Variants in STX8 observed in about 807,000 individuals in gnomAD.
The protein encoded by STX8 is syntaxin-8.
Under a neutral mutation model 37.5 loss-of-function variants are expected in STX8, and 23 were observed. The ratio of observed to expected loss-of-function variants is 0.61; its 90% confidence interval spans 0.44 to 0.87. The LOEUF (loss-of-function observed/expected upper bound fraction) is 0.87. Ranked by LOEUF, STX8 falls within the 40% of genes least tolerant of loss-of-function variation. The pLI is 0.00. For synonymous variants in STX8, 115 were observed against 99.1 expected (o/e 1.16, Z -0.95); for missense variants, 313 against 284.7 (o/e 1.10, Z -0.71).
At chr17:9,416,433 G>A (rs533725689) in intron 6 of STX8, among the ~76,000 whole-genome samples, 34 of 151,898 alleles carry the variant, frequency 2.2e-4, no homozygotes, top group African/African-American at 7.3e-4. Flanking sequence ...ACAGTAGCAC[G>A]ATCTCAGTTC....
chr17:9,557,159 A>G (rs1449740212), intron 3 of STX8: 1 of 315,672 alleles, frequency 3.2e-6, no homozygotes, highest in East Asian at 6.4e-5. Flanking sequence ...GGGGCTCCGT[A>G]AATACCGCAC....
At chr17:9,566,185 C>A (rs565594765) in intron 2 of STX8, among the ~76,000 whole-genome samples, 1 of 151,368 alleles carries the variant, frequency 6.6e-6, no homozygotes, top group Non-Finnish European at 1.5e-5. Context: ...GGCATGCTGC[C>A]AAAAAAAACA....
intron 3 of STX8, chr17:9,556,817 ATATT>A (rs1042168625): frequency 1.4e-5 from 2 of 143,264 alleles, no homozygotes; most frequent in Non-Finnish European, 3.0e-5. Context: ...ATATATATAT[ATATT>A]TTAACACTTG....
At chr17:9,467,308 T>C (rs927815031) in intron 6 of STX8, 1 of 152,284 alleles carries the variant, frequency 6.6e-6, no homozygotes, top group South Asian at 2.1e-4. Context: ...ATTTGCCAAA[T>C]CCTAGAGGCT....
At chr17:9,388,960 A>G (rs1326291277) in intron 6 of STX8, among the ~76,000 whole-genome samples, 1 of 152,216 alleles carries the variant, frequency 6.6e-6, no homozygotes, top group East Asian at 1.9e-4. Context: ...CCATAAAATA[A>G]CCATTCCTTA....
At chr17:9,463,735 C>A (rs748581274) in intron 6 of STX8, among the ~76,000 whole-genome samples, 22 of 152,140 alleles carry the variant, frequency 1.4e-4, no homozygotes, top group Non-Finnish European at 2.9e-4. Flanking sequence ...TGGAGAAACC[C>A]CATCTCTACT....
chr17:9,270,910 T>C (rs1435430458), intron 7 of STX8, among the ~76,000 whole-genome samples: 1 of 152,258 alleles, frequency 6.6e-6, no homozygotes, highest in Non-Finnish European at 1.5e-5. Context: ...TTTTACCAGA[T>C]GCTCATGGGT....
Position 9,355,981 on chromosome 17 carries a change from T to C in STX8, c.643+22571A>G, listed in dbSNP as rs567233731. 3.9e-5 allele frequency among the ~76,000 whole-genome samples: 6 copies of C among 152,214 alleles called. No individual in the cohort carries two copies. The South Asian group carries it at 1.2e-3, about 32-fold the overall frequency. Reference sequence around the variant, plus strand: ...TCTTCAACTTTGAAACTGCCAGGAGTGACCACTGATCCTTCCCATTCATTG... The same window carrying C: ...TCTTCAACTTTGAAACTGCCAGGAGCGACCACTGATCCTTCCCATTCATTG... On this transcript the variant is annotated intron_variant, in intron 7 of 7. Transcript: ENST00000306357.
chr17:9,300,695 T>C (rs1908739767), intron 7 of STX8, among the ~76,000 whole-genome samples: 1 of 152,156 alleles, frequency 6.6e-6, no homozygotes. Flanking sequence ...AATTTCCAAG[T>C]AGACAACTGG....
intron 7 of STX8, among the ~76,000 whole-genome samples, chr17:9,348,187 A>G (rs1249665177): frequency 6.6e-6 from 1 of 152,040 alleles, no homozygotes; most frequent in Non-Finnish European, 1.5e-5. Flanking sequence ...GCACTTTGGG[A>G]AGCCGAGGTG....
chr17:9,288,526 G>C (rs542429068), intron 7 of STX8, among the ~76,000 whole-genome samples: 1 of 152,140 alleles, frequency 6.6e-6, no homozygotes, highest in South Asian at 2.1e-4. Flanking sequence ...GCCGGGCGTG[G>C]TGGCAGGCGC....
chr17:9,436,235 CT>C (rs929968575), intron 6 of STX8, among the ~76,000 whole-genome samples: 3 of 150,822 alleles, frequency 2.0e-5, no homozygotes, highest in African/African-American at 7.3e-5. Flanking sequence ...GTCCCAGCTA[CT>C]TGGGGGGCTG....
In STX8 at chr17:9,295,062, A is replaced by G. The variant is rs78093585; in HGVS notation, c.644-44417T>C. ...AGAATAAACTTCTGTTGGCTAAGCA[A>G]CCCCGCCTGGTATTTTGTTATGGCA... On this transcript the variant is annotated intron_variant, in intron 7 of 7. Transcript: ENST00000306357. Among the ~76,000 whole-genome samples the G allele has an allele frequency of 2.5e-3, 387 of 152,254 alleles. 3 individuals carry two copies. Among genetic ancestry groups the G allele is most frequent in the Non-Finnish European group, 4.0e-3 (270 of 68,018 alleles).
chr17:9,540,983 C>T (rs933349416), intron 4 of STX8, among the ~76,000 whole-genome samples: 3 of 152,178 alleles, frequency 2.0e-5, no homozygotes, highest in African/African-American at 7.2e-5. Flanking sequence ...CTTTAGTCCA[C>T]CACATGGATC....
chr17:9,559,760 A>ATATATATATTT lies in STX8; in HGVS notation c.118-2233_118-2232insAAATATATATA. On this transcript the variant is annotated intron_variant, in intron 2 of 7. Transcript: ENST00000306357. The stretch of plus-strand genomic sequence containing the variant: ...TATATATATATATATATATATATAT[A>ATATATATATTT]TTTTTTTTTTTTTTTTTTTTGAGAC... Among the ~76,000 whole-genome samples, 111 of 24,506 alleles carry ATATATATATTT rather than the reference A, an allele frequency of 4.5e-3. 11 individuals carry two copies. Among genetic ancestry groups the ATATATATATTT allele is most frequent in the East Asian group, 0.029 (11 of 376 alleles). The allele number at this position is 24,506 out of a possible 152,430, so 16.1% of individuals were successfully genotyped here.
intron 7 of STX8, among the ~76,000 whole-genome samples, chr17:9,312,035 G>C (rs573109423): frequency 6.6e-6 from 1 of 151,816 alleles, no homozygotes; most frequent in South Asian, 2.1e-4. Context: ...TTTTAGTAGA[G>C]ACGGGGTTTC....
chr17:9,496,101 G>C (rs1904391376), intron 5 of STX8, among the ~76,000 whole-genome samples: 1 of 144,794 alleles, frequency 6.9e-6, no homozygotes, highest in South Asian at 2.2e-4. Flanking sequence ...TTGAGACAGA[G>C]TTTCGCTCTT....
rs1253425769 is a variant in STX8 at position 9,507,374 on chromosome 17, C to T, written c.324-2212G>A. Among the ~76,000 whole-genome samples the T allele has an allele frequency of 6.6e-6, 1 of 151,834 alleles. No homozygotes were observed. The highest frequency in any genetic ancestry group is 1.9e-4 in the East Asian group (1 of 5,152). On this transcript the variant is annotated intron_variant, in intron 4 of 7. Transcript: ENST00000306357. This position sits in a 1 kb window ranked among gnomAD's most constrained non-coding sequence, Gnocchi z 4.0. ...CAACTCCCCTAGGCCAGCCGAGCAG[C>T]CTTGTGTTCATATCCCGGGTCTGAG...
At chr17:9,278,967 C>T (rs1327340670) in intron 7 of STX8, among the ~76,000 whole-genome samples, 1 of 152,128 alleles carries the variant, frequency 6.6e-6, no homozygotes, top group African/African-American at 2.4e-5. Context: ...AAGCACTGTA[C>T]TCTTGATCTT....
Sources: allele counts gnomAD v4.1 joint callset (sites outside exome capture counted in the v4.1 genomes callset), GRCh38; gene constraint gnomAD v4.1.1; non-coding constraint Gnocchi (gnomAD v3.1); transcripts MANE v1.5; gene names NCBI Gene and HGNC (gene_info 2026-07-23, HGNC 2026-07-21).